The following ZNF777 variants were observed in gnomAD, a reference collection of about 807,000 sequenced individuals.
ZNF777 encodes zinc finger protein 777.
A neutral mutation model predicts 72.1 loss-of-function variants in ZNF777; 7 were observed. The observed-to-expected ratio is 0.10, with a 90% CI of 0.06 to 0.18. The LOEUF is 0.18. Among genes scored for constraint, ZNF777 ranks in the 10% least tolerant of loss-of-function variants. The pLI is 1.00. For missense variants in ZNF777, 828 were observed against 1,128.6 expected, an observed-to-expected ratio of 0.73 and a Z score of 3.82; for synonymous variants, 545 against 483.5, an observed-to-expected ratio of 1.13 and a Z score of -1.67.
At chr7:149,437,799 C>CTTTT (rs796721387) in intron 4 of ZNF777, among the ~76,000 whole-genome samples, 38 of 115,644 alleles carry the variant, frequency 3.3e-4, no homozygotes, top group Non-Finnish European at 4.0e-4. Context: ...ATGTTTGTTT[C>CTTTT]TTTTTCTTTT....
At chr7:149,446,166 T>C (rs774642621) in intron 4 of ZNF777, among the ~76,000 whole-genome samples, 10 of 152,092 alleles carry the variant, frequency 6.6e-5, no homozygotes, top group Admixed American at 2.0e-4. Context: ...TTACCTGAGG[T>C]TGGGAGTTCA....
rs768598531 is a variant in ZNF777, at chr7:149,455,666, G to A, written c.357C>T (p.Ser119=). 8.9e-6 allele frequency: 14 copies of A among 1,566,544 alleles called. No individual in the cohort carries two copies. In the South Asian group the frequency reaches 1.4e-4, roughly 16 times the overall value. Residue 119 remains serine, a synonymous_variant, in exon 2 of 6, where the codon TCC becomes TCT. Coordinates refer to ENST00000247930, the MANE Select transcript of ZNF777 (RefSeq NM_015694.3). This position sits in a 1 kb window ranked among gnomAD's most constrained non-coding sequence, Gnocchi z 4.2. ...AAAEQEVSLL[S]HSPHHQEAPV... is the part of the protein sequence containing the mutation. ...GGGCTTCCTGGTGGTGGGGGGAGTG[G>A]GAGAGAAGGGAGACTTCTTGTTCAG...
Position 149,432,862 on chromosome 7 carries a change from C to T in ZNF777, c.1410G>A (p.Gln470=). Residue 470 remains glutamine (Q), a synonymous_variant, in exon 6 of 6, where the codon CAG becomes CAA. Transcript: ENST00000247930. The part of the protein sequence containing the change: ...EEEEEEDELP[Q]HLQSLGQLSG... ...ACAGCTGCCCAAGGGATTGCAAGTGCTGCGGCAGCTCATCCTCCTCCTCCT... is the reference window on the plus strand; with the variant it reads ...ACAGCTGCCCAAGGGATTGCAAGTGTTGCGGCAGCTCATCCTCCTCCTCCT... The T allele has an allele frequency of 6.4e-7, 1 of 1,568,072 alleles. No individual in the cohort carries two copies. The highest frequency in any genetic ancestry group is 8.6e-7 in the Non-Finnish European group (1 of 1,156,904).
In ZNF777 at chr7:149,432,919, G is replaced by T; in HGVS notation, c.1353C>A (p.Ile451=). ...QQRNCTEGIV[I]KTEEQDEEEE... ...CCTCCTCGTCTTGTTCCTCTGTCTT[G>T]ATCACGATCCCCTCTGCTCCAGGGA... Residue 451 remains isoleucine (I), a synonymous_variant, in exon 6 of 6, where the codon ATC becomes ATA. Coordinates refer to ENST00000247930, the MANE Select transcript of ZNF777 (RefSeq NM_015694.3). 2.7e-6 allele frequency: 4 copies of T among 1,487,626 alleles called. No individual in the cohort carries two copies. The highest frequency in any genetic ancestry group is 3.6e-6 in the Non-Finnish European group (4 of 1,118,572). The allele number at this position is 1,487,626 out of a possible 1,614,324, so 92.2% of individuals were successfully genotyped here.
Position 149,454,177 on chromosome 7 carries a change from A to G in ZNF777, c.907T>C (p.Ser303Pro), listed in dbSNP as rs1563239974. The G allele has an allele frequency of 6.2e-7, 1 of 1,614,188 alleles. No homozygotes were observed. Among genetic ancestry groups the G allele is most frequent in the Non-Finnish European group, 8.5e-7 (1 of 1,180,032 alleles). Residue 303 changes from serine to proline, a missense_variant, in exon 3 of 6, where the codon TCT becomes CCT. Ser to Pro is a moderately conservative substitution (Grantham distance 74). Coordinates refer to ENST00000247930, the MANE Select transcript of ZNF777 (RefSeq NM_015694.3). ...TTGTAGAGCTCCTTCTGCCACTCAG[A>G]CAGGTTTCCCCACTCCTGCTCCGAG... ...HFSEQEWGNL[S>P]EWQKELYKNV... is the part of the protein sequence containing the mutation.
intron 3 of ZNF777, 86 bp downstream of exon 3, chr7:149,454,025 T>C: frequency 6.4e-7 from 1 of 1,568,362 alleles, no homozygotes; most frequent in South Asian, 1.2e-5. Context: ...CTATTGGCTC[T>C]GCTGGGGTTC....
In ZNF777 at chr7:149,448,581, A is replaced by AGT. The variant is rs1563237816; in HGVS notation, c.1087+2417_1087+2418insAC. ...TAGTTATATAGTTATACATATAACT[A>AGT]TATATATATATATATATATATATAT... is the stretch of plus-strand genomic sequence containing the variant. On this transcript the variant is annotated intron_variant, in intron 4 of 5. Transcript: ENST00000247930. Among the ~76,000 whole-genome samples, 122 of 17,632 alleles carry AGT rather than the reference A, an allele frequency of 6.9e-3. 1 individual carries two copies. The highest frequency in any genetic ancestry group is 0.063 in the African/African-American group (117 of 1,868). 11.6% of individuals were successfully genotyped at this position (17,632 alleles called of 152,430 possible).
Position 149,436,822 on chromosome 7 carries a change from G to T in ZNF777, c.1092C>A (p.His364Gln). Residue 364 changes from histidine to glutamine, a missense_variant, in exon 5 of 6, where the codon CAC becomes CAA. This residue lies in a region of ZNF777 where 73 missense variants were observed against 90.6 expected (regional missense o/e 0.81). Transcript: ENST00000247930. This position sits in a 1 kb window ranked among gnomAD's most constrained non-coding sequence, Gnocchi z 5.0. Reference sequence around the variant, plus strand: ...CCTCGATCTTAATCACGATCCCATCGTGCGCTGAGAGAGGGTGGGCAGGGG... The same window carrying T: ...CCTCGATCTTAATCACGATCCCATCTTGCGCTGAGAGAGGGTGGGCAGGGG... ...GETPTDPSAA[H>Q]DGIVIKIEVQ... The T allele has an allele frequency of 6.2e-7, 1 of 1,606,316 alleles. No individual in the cohort carries two copies. Among genetic ancestry groups the T allele is most frequent in the East Asian group, 2.2e-5 (1 of 44,592 alleles).
intron 4 of ZNF777, among the ~76,000 whole-genome samples, chr7:149,438,541 G>T (rs1475865328): frequency 7.2e-5 from 11 of 152,162 alleles, no homozygotes; most frequent in African/African-American, 1.2e-4. Context: ...ATGTCATGTG[G>T]TCTAACGGCT....
chr7:149,432,655 G>T lies in ZNF777; in HGVS notation c.1617C>A (p.Asn539Lys), dbSNP rs1402975347. The T allele has an allele frequency of 1.9e-6, 3 of 1,613,578 alleles. No homozygotes were observed. The South Asian group carries it at 3.3e-5, about 18-fold the overall frequency. Reference sequence around the variant, plus strand: ...ATGTGAAGGGCCGCTCGCCGCGCCGGTTCCGCTGCTGCTGGCTCGAGGCCC... The same window carrying T: ...ATGTGAAGGGCCGCTCGCCGCGCCGTTTCCGCTGCTGCTGGCTCGAGGCCC... ...NRGASSQQQR[N>K]RRGERPFTCM... is the part of the protein sequence containing the mutation. Residue 539 changes from asparagine (N) to lysine (K), a missense_variant, in exon 6 of 6, where the codon AAC becomes AAA. Physicochemically the swap from Asn to Lys is moderately conservative, Grantham distance 94. This residue lies in a region of ZNF777 where 219 missense variants were observed against 223.0 expected (regional missense o/e 0.98). Transcript: ENST00000247930.
Position 149,455,074 on chromosome 7 carries a change from T to C in ZNF777, c.846+103A>G. ...CCTAGCAACTGGGATCACTGTATTTTTTCCTTTATCAACCACCCCTTTCTT... is the reference window on the plus strand; with the variant it reads ...CCTAGCAACTGGGATCACTGTATTTCTTCCTTTATCAACCACCCCTTTCTT... On this transcript the variant is annotated intron_variant, in intron 2 of 5. Coordinates refer to ENST00000247930, the MANE Select transcript of ZNF777 (RefSeq NM_015694.3). This position sits in a 1 kb window ranked among gnomAD's most constrained non-coding sequence, Gnocchi z 4.2. The C allele has an allele frequency of 7.1e-7, 1 of 1,413,932 alleles. No homozygotes were observed. Among genetic ancestry groups the C allele is most frequent in the Admixed American group, 2.3e-5 (1 of 44,326 alleles). 87.6% of individuals were successfully genotyped at this position (1,413,932 alleles called of 1,614,324 possible).
At position 149,447,419 on chromosome 7, in the gene ZNF777, C is replaced by T. The variant is rs925329328; in HGVS notation, c.1087+3580G>A. Among the ~76,000 whole-genome samples, 6 of 152,194 alleles carry T rather than the reference C, an allele frequency of 3.9e-5. No homozygotes were observed. The South Asian group carries it at 6.2e-4, about 16-fold the overall frequency. On this transcript the variant is annotated intron_variant, in intron 4 of 5. Transcript: ENST00000247930. Reference sequence around the variant, plus strand: ...GATCTCAAACCTAATGTGTTCAAAACGGAATTCTCAGTGTTTCTCCAAATC... The same window carrying T: ...GATCTCAAACCTAATGTGTTCAAAATGGAATTCTCAGTGTTTCTCCAAATC...
chr7:149,453,266 TA>T (rs1442455509), intron 3 of ZNF777, among the ~76,000 whole-genome samples: 1 of 151,890 alleles, frequency 6.6e-6, no homozygotes, highest in African/African-American at 2.4e-5. Context: ...TTTTCACAAT[TA>T]AAAAACACAA....
At chr7:149,456,766 A>C (rs1329685764) in intron 1 of ZNF777, among the ~76,000 whole-genome samples, 1 of 152,204 alleles carries the variant, frequency 6.6e-6, no homozygotes, top group Admixed American at 6.5e-5. Context: ...CTTTGATAAC[A>C]GTTGCATTGC....
intron 4 of ZNF777, among the ~76,000 whole-genome samples, chr7:149,439,231 GTC>G (rs1799467118): frequency 6.6e-6 from 1 of 151,836 alleles, no homozygotes; most frequent in South Asian, 2.1e-4. Context: ...TTCAATCCTT[GTC>G]TCTGCGCTAA....
intron 1 of ZNF777, chr7:149,459,960 C>A (rs1001940730): frequency 1.1e-6 from 1 of 933,578 alleles, no homozygotes; most frequent in African/African-American, 1.8e-5. Context: ...CCGCCCGGGT[C>A]AAGACGCGCG....
intron 4 of ZNF777, among the ~76,000 whole-genome samples, chr7:149,441,230 A>G (rs528310637): frequency 6.6e-6 from 1 of 152,352 alleles, no homozygotes; most frequent in South Asian, 2.1e-4. Flanking sequence ...AGACACATAC[A>G]TTGTGGGAAT....
chr7:149,441,140 A>G (rs899328260), intron 4 of ZNF777, among the ~76,000 whole-genome samples: 24 of 152,228 alleles, frequency 1.6e-4, no homozygotes, highest in Non-Finnish European at 1.2e-4. Context: ...CACCCCGAAC[A>G]ACTTTTCAAA....
At chr7:149,456,152 T>C (rs891846802) in intron 1 of ZNF777, 115 bp from the exon 2 acceptor site, 19 of 1,137,398 alleles carry the variant, frequency 1.7e-5, no homozygotes, top group Non-Finnish European at 2.3e-5. Flanking sequence ...AGCAATAATA[T>C]GTGCCCCTCA....
Sources: gnomAD v4.1 joint callset for allele counts (sites outside exome capture counted in the v4.1 genomes callset) on GRCh38, gnomAD v4.1.1 for gene constraint, gnomAD v4.1.1 regional missense constraint, Gnocchi (gnomAD v3.1) non-coding constraint, MANE v1.5 for transcripts, NCBI Gene and HGNC (gene_info 2026-07-23, HGNC 2026-07-21) for gene names.